The following DOCK3 variants were observed in gnomAD, a reference collection of about 807,000 sequenced individuals.
The protein encoded by DOCK3 is dedicator of cytokinesis 3.
In DOCK3, 60 loss-of-function variants were observed where a neutral mutation model predicts 265.6. The ratio of observed to expected loss-of-function variants is 0.23; its 90% CI spans 0.18 to 0.28. DOCK3 has a LOEUF of 0.28. Among genes scored for constraint, DOCK3 ranks in the 10% least tolerant of loss-of-function variants. The probability of loss-of-function intolerance (pLI) is 1.00; values close to 1 mark genes in which losing one functional copy is unlikely to be tolerated. For synonymous variants in DOCK3, 881 were observed against 938.0 expected (o/e 0.94, Z 1.11); for missense variants, 1,981 against 2,594.3 (o/e 0.76, Z 5.14).
At chr3:51,103,377 C>G (rs923847103) in intron 9 of DOCK3, among the ~76,000 whole-genome samples, 1 of 152,142 alleles carries the variant, frequency 6.6e-6, no homozygotes, top group Non-Finnish European at 1.5e-5. Flanking sequence ...AAAGTGAAAG[C>G]AAAGCTAGTT....
At chr3:51,260,424 G>C in intron 23 of DOCK3, 98 bp downstream of exon 23, 1 of 1,339,528 alleles carries the variant, frequency 7.5e-7, no homozygotes, top group Admixed American at 2.8e-5. Flanking sequence ...GCCCTGCCAG[G>C]ATCATGTGTG....
chr3:51,164,189 T>G (rs1263452135), intron 12 of DOCK3, among the ~76,000 whole-genome samples: 1 of 152,232 alleles, frequency 6.6e-6, no homozygotes, highest in Non-Finnish European at 1.5e-5. Flanking sequence ...TTACTAAATC[T>G]GTGTAGCTTT....
intron 27 of DOCK3, among the ~76,000 whole-genome samples, chr3:51,285,160 A>G (rs2081339611): frequency 2.0e-5 from 3 of 152,148 alleles, no homozygotes; most frequent in Admixed American, 2.0e-4. Context: ...ACAAACACAA[A>G]GATTTGAGAG....
Position 50,841,694 on chromosome 3 carries a change from A to C in DOCK3, c.141A>C (p.Ser47=). Residue 47 remains serine, a synonymous_variant, in exon 3 of 53, where the codon TCA becomes TCC. Transcript: ENST00000266037. ...EKCEGWYRGV[S]TKKPNVKGIF... ...TTTTAGGTTGGTACAGAGGAGTTTC[A>C]ACAAAGAAGCCAAATGTGAAGGTAA... 1 of 1,265,702 alleles carries C rather than the reference A, an allele frequency of 7.9e-7. No individual in the cohort carries two copies. Among genetic ancestry groups the C allele is most frequent in the Non-Finnish European group, 1.0e-6 (1 of 977,522 alleles). 78.4% of individuals were successfully genotyped at this position (1,265,702 alleles called of 1,614,324 possible). A position where few individuals can be genotyped will look rare whatever the true frequency, so the allele number is the denominator to read the frequency against.
intron 4 of DOCK3, among the ~76,000 whole-genome samples, chr3:50,928,618 G>T (rs2050898606): frequency 6.6e-6 from 1 of 151,994 alleles, no homozygotes; most frequent in Non-Finnish European, 1.5e-5. Context: ...GCATATTATT[G>T]GTTCTTGTTT....
chr3:51,197,103 T>C (rs529800987), intron 12 of DOCK3, among the ~76,000 whole-genome samples: 2 of 152,330 alleles, frequency 1.3e-5, no homozygotes, highest in South Asian at 4.1e-4. Flanking sequence ...TAGTGTCATC[T>C]CTGTATGATT....
intron 1 of DOCK3, among the ~76,000 whole-genome samples, chr3:50,685,033 A>T (rs1008358382): frequency 1.3e-5 from 2 of 151,004 alleles, no homozygotes; most frequent in African/African-American, 2.4e-5. Flanking sequence ...TTTTTTTTTT[A>T]TTGTATATAC....
At chr3:51,061,726 A>T (rs1476953115) in intron 5 of DOCK3, among the ~76,000 whole-genome samples, 3 of 151,976 alleles carry the variant, frequency 2.0e-5, no homozygotes, top group African/African-American at 7.2e-5. Context: ...AAAAAAAGCC[A>T]TGAAAAGAAA....
At chr3:51,049,810 C>G (rs1448779954) in intron 5 of DOCK3, among the ~76,000 whole-genome samples, 1 of 143,838 alleles carries the variant, frequency 7.0e-6, no homozygotes, top group Non-Finnish European at 1.5e-5. Flanking sequence ...CACACACACA[C>G]ACACACACAC....
At chr3:51,145,314 G>T (rs542474207) in intron 9 of DOCK3, among the ~76,000 whole-genome samples, 2 of 151,974 alleles carry the variant, frequency 1.3e-5, no homozygotes, top group East Asian at 3.9e-4. Flanking sequence ...GTGCCATGTT[G>T]GTGTGCTGCA....
At chr3:50,692,068 C>A (rs935389649) in intron 1 of DOCK3, among the ~76,000 whole-genome samples, 2 of 152,090 alleles carry the variant, frequency 1.3e-5, no homozygotes, top group African/African-American at 4.8e-5. Context: ...CTGTGTGCCA[C>A]TGTGCCTAGC....
Position 51,027,622 on chromosome 3 carries a change from G to A in DOCK3, c.316-36826G>A, listed in dbSNP as rs566728908. On this transcript the variant is annotated intron_variant, in intron 5 of 52. Transcript: ENST00000266037. ...ATTGTTTTATAAATCTGGGTGCTTTGTTGTTGGGTGCATATATATTTAGGA... is the reference window on the plus strand; with the variant it reads ...ATTGTTTTATAAATCTGGGTGCTTTATTGTTGGGTGCATATATATTTAGGA... 3.3e-5 allele frequency among the ~76,000 whole-genome samples: 5 copies of A among 152,096 alleles called. No individual in the cohort carries two copies. The East Asian group carries it at 9.7e-4, about 29-fold the overall frequency.
chr3:50,997,011 A>G (rs1296075263), intron 5 of DOCK3, among the ~76,000 whole-genome samples: 3 of 152,154 alleles, frequency 2.0e-5, no homozygotes, highest in Admixed American at 6.5e-5. Flanking sequence ...CAGCAGTCCT[A>G]TAGAAATAGG....
At chr3:51,278,046 A>G (rs1240583806) in intron 26 of DOCK3, 5 of 985,228 alleles carry the variant, frequency 5.1e-6, no homozygotes, top group Non-Finnish European at 4.8e-6. Flanking sequence ...TGAAGCTGGG[A>G]TGTATGTAAG....
chr3:50,895,075 C>CT (rs1160042747), intron 4 of DOCK3, among the ~76,000 whole-genome samples: 1 of 151,986 alleles, frequency 6.6e-6, no homozygotes, highest in Non-Finnish European at 1.5e-5. Context: ...ATTTTAATGG[C>CT]TTTTTTTCTT....
rs918399263 is a variant in DOCK3, at chr3:51,309,185, G to A, written c.2923-1047G>A. On this transcript the variant is annotated intron_variant, in intron 27 of 52. Transcript: ENST00000266037. ...CTCCTCACTTCCCAGACGGGGTGGC[G>A]GCCGGGCAGAGGCTGCAATCTCGGC... 1.3e-5 allele frequency among the ~76,000 whole-genome samples: 2 copies of A among 152,124 alleles called. 1 individual carries two copies. Among genetic ancestry groups the A allele is most frequent in the South Asian group, 4.1e-4 (2 of 4,828 alleles).
In DOCK3 at chr3:51,381,491, T is replaced by C. The variant is rs781823532; in HGVS notation, c.6025T>C (p.Leu2009=). Residue 2009 remains leucine, a synonymous_variant, in exon 53 of 53, where the codon TTG becomes CTG. Coordinates refer to ENST00000266037, the MANE Select transcript of DOCK3 (RefSeq NM_004947.5). This position sits in a 1 kb window ranked among gnomAD's most constrained non-coding sequence, Gnocchi z 5.6. The part of the protein sequence containing the change: ...RPRGLHRKAP[L]PPGSAKEEQA... ...TCGAGGCCTGCACCGCAAGGCTCCA[T>C]TGCCTCCTGGGAGCGCTAAGGAGGA... 15 of 1,586,250 alleles carry C rather than the reference T, an allele frequency of 9.5e-6. No homozygotes were observed. Among genetic ancestry groups the C allele is most frequent in the Middle Eastern group, 1.7e-4 (1 of 5,730 alleles).
At chr3:51,084,922 T>C (rs546050205) in intron 7 of DOCK3, among the ~76,000 whole-genome samples, 20 of 152,300 alleles carry the variant, frequency 1.3e-4, no homozygotes, top group African/African-American at 4.1e-4. Flanking sequence ...CAACTATATG[T>C]TCTCTACAAA....
intron 5 of DOCK3, among the ~76,000 whole-genome samples, chr3:51,005,649 T>G (rs2078650950): frequency 6.6e-6 from 1 of 152,186 alleles, no homozygotes; most frequent in African/African-American, 2.4e-5. Flanking sequence ...AATCAAATGT[T>G]TAGCAGGTTC....
Sources: gnomAD v4.1 joint callset for allele counts (sites outside exome capture counted in the v4.1 genomes callset) on GRCh38, gnomAD v4.1.1 for gene constraint, Gnocchi (gnomAD v3.1) non-coding constraint, MANE v1.5 for transcripts, NCBI Gene and HGNC (gene_info 2026-07-23, HGNC 2026-07-21) for gene names.